The following AGBL4 variants were observed in gnomAD, a reference collection of about 807,000 sequenced individuals.
AGBL4 encodes the protein AGBL carboxypeptidase 4, also known as cytosolic carboxypeptidase 6.
Under a neutral mutation model 66.4 loss-of-function variants are expected in AGBL4, and 58 were observed. The ratio of observed to expected loss-of-function variants is 0.87; its 90% CI spans 0.71 to 1.09. The LOEUF (loss-of-function observed/expected upper bound fraction) is 1.09, where lower values mean the gene tolerates loss of function less well. AGBL4 is among the 50% of genes least tolerant of loss of function. The probability of loss-of-function intolerance (pLI) is 0.00; values close to 1 mark genes in which losing one functional copy is unlikely to be tolerated. For synonymous variants in AGBL4, 234 were observed against 222.9 expected (o/e 1.05, Z -0.44); for missense variants, 579 against 631.0 (o/e 0.92, Z 0.88).
chr1:49,061,445 G>A (rs1644400409), intron 4 of AGBL4, among the ~76,000 whole-genome samples: 1 of 152,082 alleles, frequency 6.6e-6, no homozygotes, highest in African/African-American at 2.4e-5. Context: ...ATGACCTGTG[G>A]GTGCATAGGG....
intron 5 of AGBL4, among the ~76,000 whole-genome samples, chr1:48,874,640 A>G (rs1192185072): frequency 6.6e-6 from 1 of 152,136 alleles, no homozygotes; most frequent in African/African-American, 2.4e-5. Context: ...CAAACCAAAA[A>G]TACCTATTAT....
chr1:49,305,859 T>A (rs1047015087), intron 3 of AGBL4, among the ~76,000 whole-genome samples: 2 of 152,098 alleles, frequency 1.3e-5, no homozygotes, highest in Admixed American at 6.5e-5. Context: ...CCCGGCTAAT[T>A]TTGTATTTCT....
In AGBL4 at chr1:49,182,953, A is replaced by G. The variant is rs1249101609; in HGVS notation, c.377+62817T>C. On this transcript the variant is annotated intron_variant, in intron 4 of 13. Coordinates refer to ENST00000371839, the MANE Select transcript of AGBL4 (RefSeq NM_032785.4). ...TTTGAATGATGCCATTAAAGAATAT[A>G]AGTGCTATGAAGGGTAATAAGTGCT... 2.0e-5 allele frequency among the ~76,000 whole-genome samples: 3 copies of G among 152,214 alleles called. No individual in the cohort carries two copies. The East Asian group carries it at 5.8e-4, about 29-fold the overall frequency.
chr1:49,071,965 T>G (rs1571376820), intron 4 of AGBL4, among the ~76,000 whole-genome samples: 1 of 152,320 alleles, frequency 6.6e-6, no homozygotes, highest in African/African-American at 2.4e-5. Context: ...TAGTTAGCTC[T>G]TCTTGTTGAA....
At chr1:48,537,401 C>T (rs1323065523) in intron 12 of AGBL4, among the ~76,000 whole-genome samples, 1 of 152,158 alleles carries the variant, frequency 6.6e-6, no homozygotes, top group African/African-American at 2.4e-5. Context: ...CAAGGAAGTG[C>T]CATGAACAGT....
intron 5 of AGBL4, among the ~76,000 whole-genome samples, chr1:48,972,312 T>A (rs1197148429): frequency 3.3e-5 from 5 of 152,122 alleles, no homozygotes. Flanking sequence ...TAATTATAAG[T>A]AATATTGTGA....
At chr1:49,589,100 A>G (rs1252432684) in intron 3 of AGBL4, among the ~76,000 whole-genome samples, 1 of 152,194 alleles carries the variant, frequency 6.6e-6, no homozygotes, top group Admixed American at 6.5e-5. Context: ...TTTTATTATA[A>G]GCTGTGGTTT....
chr1:49,194,321 A>G (rs1200781084), intron 4 of AGBL4, among the ~76,000 whole-genome samples: 1 of 152,066 alleles, frequency 6.6e-6, no homozygotes, highest in Admixed American at 6.6e-5. Flanking sequence ...TTTATTTGAT[A>G]TAAGAAGAGC....
chr1:49,878,617 T>A (rs1338760238), intron 1 of AGBL4, among the ~76,000 whole-genome samples: 11 of 152,250 alleles, frequency 7.2e-5, no homozygotes, highest in African/African-American at 2.7e-4. Flanking sequence ...GGTGTGCTGC[T>A]GAAAAAAATG....
chr1:49,115,041 C>A (rs1338755539), intron 4 of AGBL4, among the ~76,000 whole-genome samples: 3 of 151,874 alleles, frequency 2.0e-5, no homozygotes, highest in African/African-American at 4.8e-5. Context: ...TTGTCACAAA[C>A]CTTAAATTTG....
rs151278277 is a variant in AGBL4, at chr1:48,980,489, C to G, written c.594+65095G>C. ...ATAGAGTTATAGATTTAAGGAAACA[C>G]AGAAACTTAGAACTTCAAAATTATA... is the stretch of plus-strand genomic sequence containing the variant. On this transcript the variant is annotated intron_variant, in intron 5 of 13. Coordinates refer to ENST00000371839, the MANE Select transcript of AGBL4 (RefSeq NM_032785.4). Among the ~76,000 whole-genome samples the G allele has an allele frequency of 1.1e-4, 17 of 151,968 alleles. No individual in the cohort carries two copies. In the East Asian group the frequency reaches 2.5e-3, roughly 23 times the overall value.
chr1:49,913,770 C>A (rs887969403), intron 1 of AGBL4, among the ~76,000 whole-genome samples: 1 of 152,318 alleles, frequency 6.6e-6, no homozygotes, highest in African/African-American at 2.4e-5. Flanking sequence ...TGGATGACAC[C>A]AAGGTTTATG....
intron 3 of AGBL4, among the ~76,000 whole-genome samples, chr1:49,443,374 GTTCTTCAATATTTT>G (rs1646080044): frequency 6.6e-6 from 1 of 151,964 alleles, no homozygotes; most frequent in African/African-American, 2.4e-5. Context: ...TTCTCTAGAT[GTTCTTCAATATTTT>G]TATAATTTCA....
chr1:48,727,417 G>C (rs1012581564), intron 6 of AGBL4: 1 of 152,198 alleles, frequency 6.6e-6, no homozygotes, highest in Non-Finnish European at 1.5e-5. Flanking sequence ...CCTTCAGCCG[G>C]AATATTCCTT....
At chr1:50,006,858 G>A (rs1296890956) in intron 1 of AGBL4, among the ~76,000 whole-genome samples, 1 of 152,104 alleles carries the variant, frequency 6.6e-6, no homozygotes, top group African/African-American at 2.4e-5. Flanking sequence ...GGACATGAAT[G>A]AGCAGGAAGA....
chr1:48,545,126 T>C (rs1347980753), intron 11 of AGBL4, among the ~76,000 whole-genome samples: 3 of 152,200 alleles, frequency 2.0e-5, no homozygotes, highest in African/African-American at 7.2e-5. Flanking sequence ...GATCCCTTTC[T>C]CACCATTCCA....
At chr1:49,192,409 C>G (rs890879235) in intron 4 of AGBL4, among the ~76,000 whole-genome samples, 4 of 152,310 alleles carry the variant, frequency 2.6e-5, no homozygotes, top group African/African-American at 9.6e-5. Context: ...AGTGATTCGC[C>G]TGCCTCAGCC....
chr1:48,775,355 G>A (rs1476031576), intron 6 of AGBL4, among the ~76,000 whole-genome samples: 1 of 152,138 alleles, frequency 6.6e-6, no homozygotes, highest in Non-Finnish European at 1.5e-5. Flanking sequence ...CTTGCCATGA[G>A]ACCCTGGGCA....
At chr1:49,041,660 C>A (rs1321073338) in intron 5 of AGBL4, among the ~76,000 whole-genome samples, 1 of 152,056 alleles carries the variant, frequency 6.6e-6, no homozygotes, top group Non-Finnish European at 1.5e-5. Flanking sequence ...ACAGTTCTGC[C>A]TACTCTACAA....
Sources: allele counts gnomAD v4.1 joint callset (sites outside exome capture counted in the v4.1 genomes callset), GRCh38; gene constraint gnomAD v4.1.1; transcripts MANE v1.5; gene names NCBI Gene and HGNC (gene_info 2026-07-23, HGNC 2026-07-21).